Variants in PTGES2 observed in about 807,000 individuals in gnomAD.
PTGES2 encodes the protein GATE-binding factor 1.
In PTGES2, 35 loss-of-function variants were observed where a neutral mutation model predicts 44.5. The ratio of observed to expected loss-of-function variants is 0.79; its 90% confidence interval spans 0.60 to 1.04. PTGES2 has a LOEUF of 1.04. Among genes scored for constraint, PTGES2 ranks in the 50% least tolerant of loss-of-function variants. The probability of loss-of-function intolerance (pLI) is 0.00; values close to 1 mark genes in which losing one functional copy is unlikely to be tolerated. For synonymous variants in PTGES2, 221 were observed against 227.5 expected (o/e 0.97, Z 0.26); for missense variants, 517 against 521.4 (o/e 0.99, Z 0.08).
chr9:128,125,107 C>T, intron 2 of PTGES2, 137 bp downstream of exon 2: 1 of 825,276 alleles, frequency 1.2e-6, no homozygotes, highest in Non-Finnish European at 1.9e-6. Flanking sequence ...CTACCGTATG[C>T]AGCTACTTCC....
intron 2 of PTGES2, 48 bp from the exon 3 acceptor site, chr9:128,124,598 G>A: frequency 6.4e-7 from 1 of 1,574,388 alleles, no homozygotes; most frequent in Non-Finnish European, 8.7e-7. Flanking sequence ...CCCAGCCGCT[G>A]GGAGTCACCA....
chr9:128,122,480 CT>C lies in PTGES2; in HGVS notation c.888-2del. 1 of 1,613,458 alleles carries C rather than the reference CT, an allele frequency of 6.2e-7. No homozygotes were observed. The highest frequency in any genetic ancestry group is 8.5e-7 in the Non-Finnish European group (1 of 1,179,554). On this transcript the variant is annotated splice_acceptor_variant, in intron 5 of 6. Coordinates refer to ENST00000338961, the MANE Select transcript of PTGES2 (RefSeq NM_025072.7). LOFTEE classifies it high-confidence loss of function. ...GCGCACGTTGTCCTGGAGGCGGTGCCTGGGCGGGGAAGGGAAAAGCCCCTCA... is the reference window on the plus strand; with the variant it reads ...GCGCACGTTGTCCTGGAGGCGGTGCCGGGCGGGGAAGGGAAAAGCCCCTCA...
Position 128,121,206 on chromosome 9 carries a change from T to C in PTGES2, c.1073A>G (p.His358Arg), listed in dbSNP as rs757510757. The C allele has an allele frequency of 6.3e-7, 1 of 1,595,646 alleles. No individual in the cohort carries two copies. The highest frequency in any genetic ancestry group is 8.5e-7 in the Non-Finnish European group (1 of 1,171,388). ...CACCCGCAGGTACCAGGGCTGGATG[T>C]GCGTGTGCTGCATCAGGTCATCGAA... ...DAFDDLMQHTHIQPWYLRVER... is the reference protein window; with the variant it reads ...DAFDDLMQHTRIQPWYLRVER... Residue 358 changes from histidine to arginine, a missense_variant, in exon 7 of 7, where the codon CAC becomes CGC. Physicochemically the swap from His to Arg is conservative, Grantham distance 29. Transcript: ENST00000338961.
chr9:128,124,906 G>GC (rs1554744059), intron 2 of PTGES2: 1 of 1,250,436 alleles, frequency 8.0e-7, no homozygotes, highest in Admixed American at 3.7e-5. Context: ...GTTGACTCAT[G>GC]AAGCAAGCAA....
At position 128,127,703 on chromosome 9, in the gene PTGES2, C is replaced by A; in HGVS notation, c.15G>T (p.Ala5=). The change falls in exon 1 of 7, where the codon GCG becomes GCT. Residue 5 remains alanine, a synonymous_variant. Coordinates refer to ENST00000338961, the MANE Select transcript of PTGES2 (RefSeq NM_025072.7). MDPA[A]RVVRALWPGG... is the part of the protein sequence containing the mutation. ...CAGGCCACAGCGCCCGCACCACCCG[C>A]GCAGCCGGGTCCATGTTCGCTCCGC... 7.8e-7 allele frequency: 1 copy of A among 1,282,702 alleles called. No homozygotes were observed. The highest frequency in any genetic ancestry group is 3.2e-5 in the East Asian group (1 of 31,724). The allele number at this position is 1,282,702 out of a possible 1,614,324, so 79.5% of individuals were successfully genotyped here.
At chr9:128,122,769 G>T in intron 5 of PTGES2, 165 bp downstream of exon 5, 1 of 739,214 alleles carries the variant, frequency 1.4e-6, no homozygotes, top group Non-Finnish European at 2.2e-6. Flanking sequence ...GGAGCTCTGG[G>T]TCCAAGTCCC....
Position 128,122,425 on chromosome 9 carries a change from C to G in PTGES2, c.942G>C (p.Trp314Cys). Reference protein sequence around the residue: ...REDLYEAADKWVAAVGKDRPF... With the variant: ...REDLYEAADKCVAAVGKDRPF... The stretch of plus-strand genomic sequence containing the variant: ...GCCGGTCCTTGCCCACAGCAGCCAC[C>G]CACTTGTCAGCAGCCTCATAGAGGT... The change falls in exon 6 of 7, where the codon TGG becomes TGC. Residue 314 changes from tryptophan to cysteine, a missense_variant. Trp to Cys is a radical substitution (Grantham distance 215). Coordinates refer to ENST00000338961, the MANE Select transcript of PTGES2 (RefSeq NM_025072.7). 1 of 1,614,216 alleles carries G rather than the reference C, an allele frequency of 6.2e-7. No homozygotes were observed. The highest frequency in any genetic ancestry group is 8.5e-7 in the Non-Finnish European group (1 of 1,180,036).
intron 1 of PTGES2, among the ~76,000 whole-genome samples, chr9:128,126,398 G>T (rs1212271832): frequency 6.6e-6 from 1 of 152,134 alleles, no homozygotes; most frequent in Non-Finnish European, 1.5e-5. Flanking sequence ...TCCTGTTTCA[G>T]CCTGGAGTCT....
chr9:128,128,033 C>A, upstream of PTGES2: 2 of 386,970 alleles, frequency 5.2e-6, no homozygotes, highest in Non-Finnish European at 9.5e-6. Context: ...TAAAGGGCGG[C>A]GTGGCCGTCT....
chr9:128,127,954 A>G (rs1483496128), upstream of PTGES2: 1 of 419,626 alleles, frequency 2.4e-6, no homozygotes, highest in Non-Finnish European at 4.2e-6. Context: ...TTCCGCCTCC[A>G]AAGGCTCTTG....
Position 128,124,909 on chromosome 9 carries a change from G to A in PTGES2, c.477+335C>T, listed in dbSNP as rs1834560898. The A allele has an allele frequency of 3.2e-6, 4 of 1,241,792 alleles. No homozygotes were observed. The East Asian group carries it at 1.2e-4, about 37-fold the overall frequency. 76.9% of individuals were successfully genotyped at this position (1,241,792 alleles called of 1,614,324 possible). On this transcript the variant is annotated intron_variant, in intron 2 of 6. Transcript: ENST00000338961. Reference sequence around the variant, plus strand: ...ATATGGTCCCTTGTTGACTCATGAAGCAAGCAAGCGCAGAGAGGCTAAGTG... The same window carrying A: ...ATATGGTCCCTTGTTGACTCATGAAACAAGCAAGCGCAGAGAGGCTAAGTG...
At chr9:128,128,368 T>C (rs1210645967), upstream of PTGES2, 1 of 456,034 alleles carries the variant, frequency 2.2e-6, no homozygotes, top group Non-Finnish European at 4.4e-6. Context: ...TCGGTCCTTC[T>C]GCTGGGCTCC....
upstream of PTGES2, chr9:128,127,899 G>A (rs991621446): frequency 1.0e-4 from 53 of 520,722 alleles, no homozygotes; most frequent in Middle Eastern, 5.9e-4. Flanking sequence ...ACGCCCGCCA[G>A]AGCCGCAGAG....
Position 128,122,455 on chromosome 9 carries a change from G to A in PTGES2, c.912C>T (p.Arg304=), listed in dbSNP as rs139717665. Residue 304 remains arginine (R), a synonymous_variant, in exon 6 of 7, where the codon CGC becomes CGT. Coordinates refer to ENST00000338961, the MANE Select transcript of PTGES2 (RefSeq NM_025072.7). The part of the protein sequence containing the change: ...KSRHRLQDNV[R]EDLYEAADKW... ...TGTCAGCAGCCTCATAGAGGTCCTC[G>A]CGCACGTTGTCCTGGAGGCGGTGCC... 61 of 1,614,114 alleles carry A rather than the reference G, an allele frequency of 3.8e-5. No homozygotes were observed. The East Asian group carries it at 1.1e-3, about 29-fold the overall frequency.
chr9:128,128,311 C>T (rs1265474758), upstream of PTGES2: 2 of 456,304 alleles, frequency 4.4e-6, no homozygotes, highest in Admixed American at 2.3e-5. Flanking sequence ...GGCCCGCCGA[C>T]CCCGAGATTT....
upstream of PTGES2, chr9:128,127,807 C>T (rs930220225): frequency 1.1e-5 from 13 of 1,168,842 alleles, no homozygotes; most frequent in Middle Eastern, 3.3e-4. Flanking sequence ...TGGCGCCCCG[C>T]GGGTTGGCCG....
upstream of PTGES2, chr9:128,127,874 G>A (rs950465179): frequency 2.6e-6 from 2 of 773,750 alleles, no homozygotes; most frequent in Non-Finnish European, 3.5e-6. Context: ...CGTGTGCCCG[G>A]CGCCCAAGTT....
chr9:128,124,471 G>A, intron 3 of PTGES2, 21 bp downstream of exon 3: 1 of 1,611,914 alleles, frequency 6.2e-7, no homozygotes, highest in South Asian at 1.1e-5. Context: ...ATGGCCACCT[G>A]GTCTCCGAGG....
chr9:128,123,713 C>T lies in PTGES2; in HGVS notation c.675G>A (p.Lys225=). ...EKEAQQVYGG[K]EARTEEMKWR... ...CCAGCCCCACTCACGTCCTGGCCTC[C>T]TTCCCACCATACACTTGCTGGGCCT... The change falls in exon 4 of 7, where the codon AAG becomes AAA. Residue 225 remains lysine (K), a synonymous_variant. Coordinates refer to ENST00000338961, the MANE Select transcript of PTGES2 (RefSeq NM_025072.7). This position sits in a 1 kb window ranked among gnomAD's most constrained non-coding sequence, Gnocchi z 4.4. 6.2e-7 allele frequency: 1 copy of T among 1,612,644 alleles called. No homozygotes were observed. Among genetic ancestry groups the T allele is most frequent in the African/African-American group, 1.3e-5 (1 of 75,028 alleles).
Sources: gnomAD v4.1 joint callset for allele counts (sites outside exome capture counted in the v4.1 genomes callset) on GRCh38, gnomAD v4.1.1 for gene constraint, Gnocchi (gnomAD v3.1) non-coding constraint, MANE v1.5 for transcripts, NCBI Gene and HGNC (gene_info 2026-07-23, HGNC 2026-07-21) for gene names.